The following TMEM178A variants were observed in gnomAD, a reference collection of about 807,000 sequenced individuals.
TMEM178A encodes the protein transmembrane protein 178A.
A neutral mutation model predicts 29.1 loss-of-function variants in TMEM178A; 12 were observed. That is an observed-to-expected ratio of 0.41 (90% CI 0.26 to 0.67). The LOEUF (loss-of-function observed/expected upper bound fraction) is 0.67, where lower values mean the gene tolerates loss of function less well. TMEM178A is among the 30% of genes least tolerant of loss of function. The pLI, the probability that TMEM178A is intolerant of heterozygous loss-of-function variation, is 0.29. For synonymous variants in TMEM178A, 210 were observed against 187.2 expected, an observed-to-expected ratio of 1.12 and a Z score of -0.99; for missense variants, 366 against 419.1, an observed-to-expected ratio of 0.87 and a Z score of 1.11.
intron 2 of TMEM178A, among the ~76,000 whole-genome samples, chr2:39,705,293 G>A (rs1343850432): frequency 6.6e-6 from 1 of 152,176 alleles, no homozygotes; most frequent in Non-Finnish European, 1.5e-5. Flanking sequence ...GTCACACTTG[G>A]TGATCTGTAG....
intron 1 of TMEM178A, among the ~76,000 whole-genome samples, chr2:39,668,756 T>C (rs1558439737): frequency 6.6e-6 from 1 of 152,232 alleles, no homozygotes; most frequent in Non-Finnish European, 1.5e-5. Context: ...CTAACCAACC[T>C]TGGGCTAGTT....
At chr2:39,665,915 G>C, upstream of TMEM178A, 1 of 1,318,460 alleles carries the variant, frequency 7.6e-7, no homozygotes, top group Non-Finnish European at 9.7e-7. Flanking sequence ...CTGGGGCCAA[G>C]TGCATTGTGT....
chr2:39,693,148 A>C (rs1032001389), intron 1 of TMEM178A, among the ~76,000 whole-genome samples: 8 of 152,146 alleles, frequency 5.3e-5, no homozygotes, highest in South Asian at 2.1e-4. Context: ...TGAAAACAAA[A>C]AACAACAACA....
the TMEM178A span, among the ~76,000 whole-genome samples, chr2:39,724,737 C>T: frequency 6.6e-6 from 1 of 152,188 alleles, no homozygotes; most frequent in Admixed American, 6.5e-5. Flanking sequence ...CTCTCTTTGA[C>T]AGCAGAGGAA....
chr2:39,725,266 G>T, the TMEM178A span, among the ~76,000 whole-genome samples: 4 of 152,156 alleles, frequency 2.6e-5, no homozygotes, highest in African/African-American at 9.7e-5. Context: ...AGCCAGATGA[G>T]TAAGAATACA....
In TMEM178A at chr2:39,679,486, A is replaced by AGGC. The variant is rs1437824166; in HGVS notation, c.400+13112_400+13113insGGC. 7.9e-4 allele frequency among the ~76,000 whole-genome samples: 120 copies of AGGC among 152,302 alleles called. 4 individuals carry two copies. The East Asian group carries it at 0.021, about 27-fold the overall frequency. On this transcript the variant is annotated intron_variant, in intron 1 of 3. Transcript: ENST00000281961. Reference sequence around the variant, plus strand: ...AAGTATTCAAAAAAAATCAGTGTATAACTAACAAAGAGTGCATCTTTATGG... The same window carrying AGGC: ...AAGTATTCAAAAAAAATCAGTGTATAGGCACTAACAAAGAGTGCATCTTTATGG...
chr2:39,732,591 G>A, the TMEM178A span, among the ~76,000 whole-genome samples: 1 of 152,200 alleles, frequency 6.6e-6, no homozygotes, highest in Non-Finnish European at 1.5e-5. Context: ...CAAGTCAAGA[G>A]TTATTTCCAA....
chr2:39,674,163 C>T (rs1175396998), intron 1 of TMEM178A, among the ~76,000 whole-genome samples: 1 of 151,970 alleles, frequency 6.6e-6, no homozygotes, highest in Non-Finnish European at 1.5e-5. Flanking sequence ...GCGGGAAAAG[C>T]AACAGTGACT....
downstream of TMEM178A, among the ~76,000 whole-genome samples, chr2:39,720,666 C>T (rs1672685538): frequency 6.6e-6 from 1 of 152,208 alleles, no homozygotes; most frequent in African/African-American, 2.4e-5. Flanking sequence ...CGGTGCTCAG[C>T]CCACCCAGTG....
intron 1 of TMEM178A, among the ~76,000 whole-genome samples, chr2:39,699,184 C>A (rs1671678108): frequency 6.6e-6 from 1 of 151,846 alleles, no homozygotes; most frequent in Admixed American, 6.6e-5. Flanking sequence ...TGCCACCATG[C>A]CTGGCTAATT....
At chr2:39,665,914 A>G (rs1670124394), upstream of TMEM178A, 1 of 1,309,802 alleles carries the variant, frequency 7.6e-7, no homozygotes. Flanking sequence ...GCTGGGGCCA[A>G]GTGCATTGTG....
In TMEM178A at chr2:39,717,294, G is replaced by A; in HGVS notation, c.*43G>A. 9 of 1,597,686 alleles carry A rather than the reference G, an allele frequency of 5.6e-6. No individual in the cohort carries two copies. Among genetic ancestry groups the A allele is most frequent in the East Asian group, 2.2e-5 (1 of 44,638 alleles). ...GTCCACAGTGCGAGCGACTCCTGAG[G>A]GGAACAGCGCGGAGTTCAGGAGTCC... On this transcript the variant is annotated 3_prime_UTR_variant, in exon 4 of 4. Coordinates refer to ENST00000281961, the MANE Select transcript of TMEM178A (RefSeq NM_152390.3).
intron 1 of TMEM178A, among the ~76,000 whole-genome samples, chr2:39,669,523 G>A (rs962342298): frequency 6.6e-6 from 1 of 152,120 alleles, no homozygotes; most frequent in African/African-American, 2.4e-5. Context: ...GAATCATCAA[G>A]TTCTTGTTTT....
At chr2:39,677,546 C>T (rs1455220553) in intron 1 of TMEM178A, among the ~76,000 whole-genome samples, 3 of 152,100 alleles carry the variant, frequency 2.0e-5, no homozygotes, top group Non-Finnish European at 4.4e-5. Flanking sequence ...CTGTATTGGG[C>T]TTTCATTATC....
At position 39,672,700 on chromosome 2, in the gene TMEM178A, T is replaced by A. The variant is rs545736224; in HGVS notation, c.400+6326T>A. Reference sequence around the variant, plus strand: ...TGTGTGCTAGCACACCTGGCTGATTTAAAAAAAAAACAACTTTGTAGAGAT... The same window carrying A: ...TGTGTGCTAGCACACCTGGCTGATTAAAAAAAAAAACAACTTTGTAGAGAT... On this transcript the variant is annotated intron_variant, in intron 1 of 3. Coordinates refer to ENST00000281961, the MANE Select transcript of TMEM178A (RefSeq NM_152390.3). 3.5e-3 allele frequency among the ~76,000 whole-genome samples: 522 copies of A among 148,178 alleles called. 4 individuals are homozygous for A. The highest frequency in any genetic ancestry group is 0.012 in the African/African-American group (501 of 40,400).
chr2:39,717,790 T>C lies in TMEM178A; in HGVS notation c.*539T>C, dbSNP rs1672611481. ...CTTCTGTTGCCTTATTGTTTTTTTT[T>C]TTTTAAGTCTCTTCTCTGTCTTTGT... On this transcript the variant is annotated 3_prime_UTR_variant, in exon 4 of 4. Coordinates refer to ENST00000281961, the MANE Select transcript of TMEM178A (RefSeq NM_152390.3). The C allele has an allele frequency of 1.3e-5, 2 of 154,000 alleles. No individual in the cohort carries two copies. Among genetic ancestry groups the C allele is most frequent in the Admixed American group, 6.4e-5 (1 of 15,622 alleles). The allele number at this position is 154,000 out of a possible 1,614,324, so 9.5% of individuals were successfully genotyped here. A position where few individuals can be genotyped will look rare whatever the true frequency, so the allele number is the denominator to read the frequency against.
intron 1 of TMEM178A, among the ~76,000 whole-genome samples, chr2:39,703,116 A>G (rs1252262074): frequency 6.6e-6 from 1 of 152,198 alleles, no homozygotes; most frequent in African/African-American, 2.4e-5. Context: ...ATTTATTTGC[A>G]TCTATGAAGA....
chr2:39,698,386 C>G (rs1425106030), intron 1 of TMEM178A, among the ~76,000 whole-genome samples: 1 of 152,090 alleles, frequency 6.6e-6, no homozygotes, highest in Non-Finnish European at 1.5e-5. Context: ...TGGATTTTGT[C>G]AAATACTTTT....
chr2:39,675,506 A>G (rs945121138), intron 1 of TMEM178A, among the ~76,000 whole-genome samples: 2 of 152,130 alleles, frequency 1.3e-5, no homozygotes, highest in Non-Finnish European at 2.9e-5. Context: ...TTCCCCGTTG[A>G]CTTAACCACC....
Sources: allele counts gnomAD v4.1 joint callset (sites outside exome capture counted in the v4.1 genomes callset), GRCh38; gene constraint gnomAD v4.1.1; transcripts MANE v1.5; gene names NCBI Gene and HGNC (gene_info 2026-07-23, HGNC 2026-07-21).